Variants in ATP6V0A4 observed in about 807,000 individuals in gnomAD.
ATP6V0A4 encodes the protein ATPase H+ transporting V0 subunit a4, also known as V-type proton ATPase 116 kDa subunit a 4.
ATP6V0A4 carries 86 observed loss-of-function variants against 107.3 expected under a neutral mutation model. The observed-to-expected ratio is 0.80, with a 90% CI of 0.67 to 0.96. ATP6V0A4 has a LOEUF of 0.96. Ranked by LOEUF, ATP6V0A4 falls within the 40% of genes least tolerant of loss-of-function variation. The pLI is 0.00. For missense variants in ATP6V0A4, 908 were observed against 1,045.6 expected, an observed-to-expected ratio of 0.87 and a Z score of 1.81; for synonymous variants, 353 against 381.4, an observed-to-expected ratio of 0.93 and a Z score of 0.87.
intron 10 of ATP6V0A4, among the ~76,000 whole-genome samples, chr7:138,753,491 A>C (rs1334040908): frequency 6.6e-6 from 1 of 152,132 alleles, no homozygotes; most frequent in East Asian, 1.9e-4. Flanking sequence ...TGTTACAGCA[A>C]CCCTAAGAGA....
intron 19 of ATP6V0A4, among the ~76,000 whole-genome samples, chr7:138,718,043 A>AATGGGGGGG (rs71169047): frequency 1.9e-4 from 16 of 84,270 alleles, no homozygotes; most frequent in South Asian, 4.0e-4. Context: ...TCCAGGAAGG[A>AATGGGGGGG]GTGGGGGGGT....
intron 8 of ATP6V0A4, among the ~76,000 whole-genome samples, chr7:138,759,075 TTTG>T: frequency 7.2e-6 from 1 of 139,792 alleles, no homozygotes. Flanking sequence ...TTTTTTTTTT[TTTG>T]AGATAGGGTC....
At chr7:138,755,521 G>A (rs962107553) in intron 10 of ATP6V0A4, among the ~76,000 whole-genome samples, 168 bp downstream of exon 10, 1 of 152,076 alleles carries the variant, frequency 6.6e-6, no homozygotes, top group Admixed American at 6.6e-5. Flanking sequence ...CTAGCTTATC[G>A]AACAGTTTCC....
At chr7:138,721,861 T>G (rs1356566534) in intron 19 of ATP6V0A4, 36 bp downstream of exon 19, 1 of 1,611,748 alleles carries the variant, frequency 6.2e-7, no homozygotes, top group South Asian at 1.1e-5. Flanking sequence ...TTGTACAAAC[T>G]GGGGAGTCTT....
chr7:138,723,464 A>T (rs192233865), intron 18 of ATP6V0A4, among the ~76,000 whole-genome samples: 170 of 149,476 alleles, frequency 1.1e-3, no homozygotes, highest in Admixed American at 8.6e-4. Context: ...TTCTAGAATG[A>T]TTTCATGGGA....
At chr7:138,758,739 A>ATTTTTTTTTTTTTTTTTTTTTTTTTTTT (rs398006555) in intron 8 of ATP6V0A4, among the ~76,000 whole-genome samples, 1 of 59,176 alleles carries the variant, frequency 1.7e-5, no homozygotes, top group Non-Finnish European at 2.9e-5. Flanking sequence ...CTGACTCAGA[A>ATTTTTTTTTTTTTTTTTTTTTTTTTTTT]TTTTTTTTTT....
chr7:138,718,155 G>A (rs1474489803), intron 19 of ATP6V0A4, among the ~76,000 whole-genome samples: 1 of 124,630 alleles, frequency 8.0e-6, no homozygotes, highest in Admixed American at 7.9e-5. Flanking sequence ...AGGAAGGGGG[G>A]ATGCAGTCAC....
intron 20 of ATP6V0A4, 66 bp from the exon 21 acceptor site, chr7:138,709,861 C>G: frequency 1.3e-6 from 2 of 1,540,220 alleles, no homozygotes; most frequent in Non-Finnish European, 1.8e-6. Context: ...TGTATTTTCT[C>G]ATCTTTTTAA....
At chr7:138,743,181 G>A (rs1034963412) in intron 14 of ATP6V0A4, among the ~76,000 whole-genome samples, 10 of 152,004 alleles carry the variant, frequency 6.6e-5, no homozygotes, top group South Asian at 4.2e-4. Flanking sequence ...GGATTGGGCC[G>A]GGCGTGTGGC....
chr7:138,767,437 C>T (rs1031144803), intron 5 of ATP6V0A4, among the ~76,000 whole-genome samples: 10 of 152,012 alleles, frequency 6.6e-5, no homozygotes, highest in East Asian at 1.9e-4. Flanking sequence ...GCAGGAGAAT[C>T]GCTTGAGCCT....
At chr7:138,735,577 C>A (rs2117246221) in intron 15 of ATP6V0A4, among the ~76,000 whole-genome samples, 1 of 152,284 alleles carries the variant, frequency 6.6e-6, no homozygotes, top group Middle Eastern at 3.4e-3. Context: ...AGAGGGGCAC[C>A]CACTGAGGAG....
intron 2 of ATP6V0A4, among the ~76,000 whole-genome samples, chr7:138,781,890 C>T (rs1807944818): frequency 7.1e-6 from 1 of 140,798 alleles, no homozygotes; most frequent in South Asian, 2.2e-4. Context: ...GTTGCCAAGG[C>T]TTGTCTCAAA....
intron 19 of ATP6V0A4, among the ~76,000 whole-genome samples, chr7:138,716,514 A>T (rs1804041800): frequency 6.6e-6 from 1 of 150,940 alleles, no homozygotes; most frequent in South Asian, 2.1e-4. Flanking sequence ...TAACAGAACG[A>T]AGAAGACAGC....
At chr7:138,767,266 T>G (rs1287657823) in intron 5 of ATP6V0A4, among the ~76,000 whole-genome samples, 1 of 152,232 alleles carries the variant, frequency 6.6e-6, no homozygotes, top group African/African-American at 2.4e-5. Context: ...CTCACGCCTG[T>G]AATCCCAGCA....
In ATP6V0A4 at chr7:138,721,487, C is replaced by T. The variant is rs147232821; in HGVS notation, c.2139+410G>A. On this transcript the variant is annotated intron_variant, in intron 19 of 21. Transcript: ENST00000310018. Reference sequence around the variant, plus strand: ...CTGGGAGGCGGAGGTTGCAGTGAGCCGAAATTGGCTCACTCCAGCCTGGGC... The same window carrying T: ...CTGGGAGGCGGAGGTTGCAGTGAGCTGAAATTGGCTCACTCCAGCCTGGGC... 2.6e-4 allele frequency among the ~76,000 whole-genome samples: 39 copies of T among 152,022 alleles called. No individual in the cohort carries two copies. The East Asian group carries it at 2.9e-3, about 11-fold the overall frequency.
At chr7:138,769,312 CTTTTTTTTTTTTTT>C in intron 3 of ATP6V0A4, 61 bp from the exon 4 acceptor site, 2 of 1,325,908 alleles carry the variant, frequency 1.5e-6, no homozygotes, top group Non-Finnish European at 2.0e-6. Flanking sequence ...AGATTTCTTT[CTTTTTTTTTTTTTT>C]TTTTTGAGAC....
chr7:138,710,764 G>A (rs192987555), intron 20 of ATP6V0A4, among the ~76,000 whole-genome samples: 6 of 152,138 alleles, frequency 3.9e-5, no homozygotes, highest in Admixed American at 2.6e-4. Context: ...TGGTGGTCAC[G>A]GGTCCCCTCT....
intron 14 of ATP6V0A4, 103 bp downstream of exon 14, chr7:138,745,020 G>A: frequency 9.3e-7 from 1 of 1,077,216 alleles, no homozygotes; most frequent in African/African-American, 1.5e-5. Flanking sequence ...ATTTTCAAGT[G>A]CACCTCTGAG....
At chr7:138,741,256 A>G (rs1174732212) in intron 14 of ATP6V0A4, among the ~76,000 whole-genome samples, 2 of 152,180 alleles carry the variant, frequency 1.3e-5, no homozygotes, top group Non-Finnish European at 2.9e-5. Flanking sequence ...TGAGGTGCTG[A>G]GGGCCTTAGG....
Sources: allele counts gnomAD v4.1 joint callset (sites outside exome capture counted in the v4.1 genomes callset), GRCh38; gene constraint gnomAD v4.1.1; transcripts MANE v1.5; gene names NCBI Gene and HGNC (gene_info 2026-07-23, HGNC 2026-07-21).